DAB2IP: variants seen among roughly 807,000 people sequenced by gnomAD.
The protein encoded by DAB2IP is disabled homolog 2-interacting protein.
DAB2IP carries 28 observed loss-of-function variants against 107.2 expected under a neutral mutation model. The ratio of observed to expected loss-of-function variants is 0.26; its 90% CI spans 0.19 to 0.36. DAB2IP has a LOEUF of 0.36. Ranked by LOEUF, DAB2IP falls within the 10% of genes least tolerant of loss-of-function variation. The pLI is 1.00. For missense variants in DAB2IP, 1,400 were observed against 1,644.7 expected (o/e 0.85, Z 2.57); for synonymous variants, 755 against 706.4 (o/e 1.07, Z -1.09).
At chr9:121,705,186 C>T (rs1459195211) in intron 3 of DAB2IP, among the ~76,000 whole-genome samples, 1 of 152,226 alleles carries the variant, frequency 6.6e-6, no homozygotes, top group Non-Finnish European at 1.5e-5. Flanking sequence ...AGAATGGGAT[C>T]AGCAAGGCTG....
chr9:121,657,944 C>T (rs533352225), intron 1 of DAB2IP, among the ~76,000 whole-genome samples: 3 of 152,140 alleles, frequency 2.0e-5, no homozygotes, highest in South Asian at 4.1e-4. Context: ...GCCACTTGCC[C>T]GTGGTTACCT....
intron 1 of DAB2IP, among the ~76,000 whole-genome samples, chr9:121,629,427 G>A (rs1162189940): frequency 6.6e-6 from 1 of 152,128 alleles, no homozygotes; most frequent in Non-Finnish European, 1.5e-5. Flanking sequence ...TCCTCATGGC[G>A]CCCTTTCTTC....
chr9:121,612,674 G>T (rs1255294854), intron 1 of DAB2IP, among the ~76,000 whole-genome samples: 1 of 152,124 alleles, frequency 6.6e-6, no homozygotes, highest in Non-Finnish European at 1.5e-5. Flanking sequence ...CTTAGAGAGA[G>T]AGCCTGCTCA....
chr9:121,573,305 G>T (rs1010970733), intron 1 of DAB2IP, among the ~76,000 whole-genome samples: 4 of 152,040 alleles, frequency 2.6e-5, no homozygotes, highest in Non-Finnish European at 5.9e-5. Context: ...TCGAACTTCT[G>T]ACCTCAGGTG....
At chr9:121,605,460 C>A (rs894255759) in intron 1 of DAB2IP, among the ~76,000 whole-genome samples, 1 of 152,162 alleles carries the variant, frequency 6.6e-6, no homozygotes, top group African/African-American at 2.4e-5. Flanking sequence ...AATTTCAGGT[C>A]TCAAATGAGA....
intron 3 of DAB2IP, among the ~76,000 whole-genome samples, chr9:121,707,926 C>T (rs554536774): frequency 2.6e-5 from 4 of 152,314 alleles, no homozygotes; most frequent in South Asian, 2.1e-4. Flanking sequence ...CACCACATTT[C>T]GTCAGGAAAC....
intron 1 of DAB2IP, among the ~76,000 whole-genome samples, chr9:121,622,998 G>A (rs917030041): frequency 6.6e-6 from 1 of 151,334 alleles, no homozygotes; most frequent in Non-Finnish European, 1.5e-5. Flanking sequence ...GTGGGTGCCT[G>A]GGGGTGTGCA....
exon 9 of DAB2IP, chr9:121,766,525 G>T (rs145267973): frequency 1.2e-5 from 19 of 1,610,276 alleles, no homozygotes; most frequent in African/African-American, 4.0e-5. Flanking sequence ...AGAGGTGTTT[G>T]CCTCGTGGAG....
At chr9:121,710,002 C>T (rs1212649552) in intron 3 of DAB2IP, among the ~76,000 whole-genome samples, 1 of 152,100 alleles carries the variant, frequency 6.6e-6, no homozygotes, top group Non-Finnish European at 1.5e-5. Flanking sequence ...CACAGCAGCC[C>T]GTGAGATATA....
At chr9:121,759,115 A>G (rs539918928) in intron 5 of DAB2IP, 119 bp downstream of exon 5, 241 of 983,414 alleles carry the variant, frequency 2.5e-4, no homozygotes, top group Non-Finnish European at 3.5e-4. Flanking sequence ...GCCTGCATGG[A>G]GGCAGGGCCC....
intron 1 of DAB2IP, among the ~76,000 whole-genome samples, chr9:121,657,809 G>A (rs910874080): frequency 6.6e-6 from 1 of 152,136 alleles, no homozygotes; most frequent in Non-Finnish European, 1.5e-5. Context: ...GTACAGGGAG[G>A]GGCTTGGAGC....
intron 2 of DAB2IP, among the ~76,000 whole-genome samples, chr9:121,685,135 C>T (rs72770691): frequency 1.3e-5 from 2 of 152,154 alleles, no homozygotes; most frequent in Admixed American, 1.3e-4. Flanking sequence ...AACCCTGCCC[C>T]CTCCGCCCCC....
At chr9:121,756,757 C>T (rs768912877) in intron 3 of DAB2IP, among the ~76,000 whole-genome samples, 12 of 152,260 alleles carry the variant, frequency 7.9e-5, no homozygotes, top group Non-Finnish European at 1.3e-4. Context: ...ATATTAACCC[C>T]GGAGTGGCGC....
At chr9:121,733,567 C>G (rs1000957869) in intron 3 of DAB2IP, among the ~76,000 whole-genome samples, 2 of 152,206 alleles carry the variant, frequency 1.3e-5, no homozygotes, top group Admixed American at 1.3e-4. Context: ...GTATGGAATC[C>G]CTTAGGCCCT....
At chr9:121,709,749 GTGCATCATCTCTGATTT>G (rs1830240776) in intron 3 of DAB2IP, among the ~76,000 whole-genome samples, 1 of 152,218 alleles carries the variant, frequency 6.6e-6, no homozygotes. Context: ...TGCATGGTAT[GTGCATCATCTCTGATTT>G]TCTTGACTAC....
chr9:121,766,456 C>T, intron 8 of DAB2IP, 38 bp from the exon 9 acceptor site: 2 of 1,580,744 alleles, frequency 1.3e-6, no homozygotes, highest in Non-Finnish European at 1.7e-6. Flanking sequence ...TGGGCCCCTG[C>T]CTGACAGCCA....
At chr9:121,657,695 A>G (rs2119080284) in intron 1 of DAB2IP, among the ~76,000 whole-genome samples, 1 of 152,086 alleles carries the variant, frequency 6.6e-6, no homozygotes, top group Non-Finnish European at 1.5e-5. Context: ...CAACTCAGAG[A>G]GCGCTGGAAT....
intron 1 of DAB2IP, among the ~76,000 whole-genome samples, chr9:121,601,076 A>G (rs1362862022): frequency 1.3e-5 from 2 of 152,204 alleles, no homozygotes; most frequent in African/African-American, 4.8e-5. Flanking sequence ...GCTCAGGTTT[A>G]AACAGCCTCA....
Position 121,758,829 on chromosome 9 carries a change from T to G in DAB2IP, c.517-69T>G, listed in dbSNP as rs1833672544. 10 of 1,438,476 alleles carry G rather than the reference T, an allele frequency of 7.0e-6. No homozygotes were observed. In the Admixed American group the frequency reaches 1.3e-4, roughly 19 times the overall value. The allele number at this position is 1,438,476 out of a possible 1,614,324, so 89.1% of individuals were successfully genotyped here. A position where few individuals can be genotyped will look rare whatever the true frequency, so the allele number is the denominator to read the frequency against. On this transcript the variant is annotated intron_variant, in intron 4 of 15. Coordinates refer to ENST00000408936, the Ensembl canonical transcript of DAB2IP. ...CAGAGTCCCCTGAGCCTCCAAGGTC[T>G]TCTTCCATCACTGCCTGCCCTTGCT... is the stretch of plus-strand genomic sequence containing the variant.
Sources: allele counts gnomAD v4.1 joint callset (sites outside exome capture counted in the v4.1 genomes callset), GRCh38; gene constraint gnomAD v4.1.1; transcripts MANE v1.5; gene names NCBI Gene and HGNC (gene_info 2026-07-23, HGNC 2026-07-21).